FKBP3: variants seen among roughly 807,000 people sequenced by gnomAD.
FKBP3 encodes the protein peptidyl-prolyl cis-trans isomerase FKBP3.
A neutral mutation model predicts 30.6 loss-of-function variants in FKBP3; 21 were observed. The ratio of observed to expected loss-of-function variants is 0.69; its 90% CI spans 0.49 to 0.99. The LOEUF is 0.99. Ranked by LOEUF, FKBP3 falls within the 50% of genes least tolerant of loss-of-function variation. The pLI, the probability that FKBP3 is intolerant of heterozygous loss-of-function variation, is 0.00. For synonymous variants in FKBP3, 82 were observed against 91.3 expected, an observed-to-expected ratio of 0.90 and a Z score of 0.58; for missense variants, 283 against 261.6, an observed-to-expected ratio of 1.08 and a Z score of -0.56.
intron 3 of FKBP3, among the ~76,000 whole-genome samples, chr14:45,124,444 A>C (rs562287721): frequency 6.6e-6 from 1 of 152,268 alleles, no homozygotes; most frequent in Non-Finnish European, 1.5e-5. Flanking sequence ...AAGCAGGAGA[A>C]TCACTTGAAT....
chr14:45,118,683 A>G (rs1884912877), intron 5 of FKBP3, among the ~76,000 whole-genome samples: 1 of 152,102 alleles, frequency 6.6e-6, no homozygotes, highest in Non-Finnish European at 1.5e-5. Flanking sequence ...GTAACATGCC[A>G]TACATTATGA....
intron 3 of FKBP3, 94 bp from the exon 4 acceptor site, chr14:45,121,714 T>G: frequency 1.7e-5 from 24 of 1,406,838 alleles, no homozygotes; most frequent in Non-Finnish European, 2.2e-5. Context: ...AAAGTCAGTT[T>G]AAAGAGTTTG....
chr14:45,132,081 A>G (rs1203091692), intron 1 of FKBP3, among the ~76,000 whole-genome samples: 1 of 152,160 alleles, frequency 6.6e-6, no homozygotes, highest in Non-Finnish European at 1.5e-5. Context: ...TTACATTCTC[A>G]AAGTTGTCCT....
chr14:45,129,676 C>T (rs1297256152), intron 3 of FKBP3, 118 bp downstream of exon 3: 1 of 574,354 alleles, frequency 1.7e-6, no homozygotes, highest in Non-Finnish European at 3.0e-6. Flanking sequence ...GTGTTTGGCT[C>T]ATTGAAAGTG....
intron 3 of FKBP3, among the ~76,000 whole-genome samples, chr14:45,127,113 G>A (rs1813523715): frequency 9.1e-6 from 1 of 110,138 alleles, no homozygotes; most frequent in African/African-American, 5.1e-5. Context: ...GACTGACCCT[G>A]TCTTTTTTTT....
intron 6 of FKBP3, among the ~76,000 whole-genome samples, chr14:45,117,218 C>G (rs1382080723): frequency 6.6e-6 from 1 of 152,196 alleles, no homozygotes; most frequent in Admixed American, 6.5e-5. Flanking sequence ...GTGATCTGCC[C>G]TCCTTGGCCT....
intron 1 of FKBP3, among the ~76,000 whole-genome samples, chr14:45,132,694 G>C (rs1019409822): frequency 3.5e-4 from 53 of 151,870 alleles, no homozygotes; most frequent in African/African-American, 1.0e-3. Context: ...TTTGGCCTCC[G>C]AAAGTGCTAG....
chr14:45,121,604 G>T lies in FKBP3; in HGVS notation c.335C>A (p.Thr112Asn). ...ATCTCCCTTTTTCAGAACAGATTTA[G>T]TATATTTTGGTGGACCCTAAAAACA... The part of the protein sequence containing the change: ...ETLDEGPPKY[T>N]KSVLKKGDKT... The change falls in exon 4 of 7, where the codon ACT (threonine) becomes AAT (asparagine). Residue 112 changes from threonine to asparagine, a missense_variant. Physicochemically the swap from Thr to Asn is moderately conservative, Grantham distance 65 (BLOSUM62 0). Coordinates refer to ENST00000396062, the MANE Select transcript of FKBP3 (RefSeq NM_002013.4). 6.2e-7 allele frequency: 1 copy of T among 1,613,266 alleles called. No homozygotes were observed. Among genetic ancestry groups the T allele is most frequent in the South Asian group, 1.1e-5 (1 of 91,026 alleles).
rs1435169280 is a variant in FKBP3 at position 45,121,560 on chromosome 14, T to C, written c.379A>G (p.Lys127Glu). 6.2e-7 allele frequency: 1 copy of C among 1,613,698 alleles called. No individual in the cohort carries two copies. The highest frequency in any genetic ancestry group is 1.3e-5 in the African/African-American group (1 of 74,924). Residue 127 changes from lysine to glutamate, a missense_variant, in exon 4 of 7, where the codon AAG becomes GAG. Coordinates refer to ENST00000396062, the MANE Select transcript of FKBP3 (RefSeq NM_002013.4). ...KKGDKTNFPK[K>E]GDVVHCWYTG... ...TACCAGCAGTGAACAACATCTCCCTTTTTGGGAAAGTTGGTTTTATCTCCC... is the reference window on the plus strand; with the variant it reads ...TACCAGCAGTGAACAACATCTCCCTCTTTGGGAAAGTTGGTTTTATCTCCC...
intron 1 of FKBP3, among the ~76,000 whole-genome samples, chr14:45,133,604 G>A (rs1258231361): frequency 1.3e-5 from 2 of 152,184 alleles, no homozygotes; most frequent in East Asian, 1.9e-4. Context: ...AATTTAACAG[G>A]TGCATGAATG....
intron 1 of FKBP3, 117 bp downstream of exon 1, chr14:45,134,232 A>G: frequency 2.3e-6 from 2 of 879,810 alleles, no homozygotes; most frequent in Non-Finnish European, 3.6e-6. Context: ...CTTCCAGGCC[A>G]CCGGCCGCGG....
At chr14:45,120,777 C>T in intron 5 of FKBP3, 110 bp downstream of exon 5, 2 of 861,512 alleles carry the variant, frequency 2.3e-6, no homozygotes, top group South Asian at 3.0e-5. Flanking sequence ...CTGTCAGACT[C>T]CAAAGTCTGT....
In FKBP3 at chr14:45,127,720, C is replaced by A. The variant is rs949377210; in HGVS notation, c.318+2074G>T. Among the ~76,000 whole-genome samples, 4 of 152,080 alleles carry A rather than the reference C, an allele frequency of 2.6e-5. No homozygotes were observed. In the South Asian group the frequency reaches 8.3e-4, roughly 32 times the overall value. On this transcript the variant is annotated intron_variant, in intron 3 of 6. Coordinates refer to ENST00000396062, the MANE Select transcript of FKBP3 (RefSeq NM_002013.4). ...CAACACTCAATTACTGAAGATTTTT[C>A]AGCAGGGTGTGGTTTGCAAAGTATT...
At chr14:45,122,598 G>A (rs1885009105) in intron 3 of FKBP3, among the ~76,000 whole-genome samples, 1 of 151,898 alleles carries the variant, frequency 6.6e-6, no homozygotes, top group South Asian at 2.1e-4. Context: ...CTGCCTCCTG[G>A]GTTCAAGTGA....
intron 5 of FKBP3, among the ~76,000 whole-genome samples, chr14:45,120,469 A>G (rs1412711282): frequency 6.6e-6 from 1 of 152,214 alleles, no homozygotes; most frequent in Non-Finnish European, 1.5e-5. Flanking sequence ...AGTGGGACAG[A>G]TATTTTACCT....
chr14:45,130,114 C>T (rs1442346038), intron 2 of FKBP3, among the ~76,000 whole-genome samples: 1 of 152,160 alleles, frequency 6.6e-6, no homozygotes, highest in Non-Finnish European at 1.5e-5. Flanking sequence ...CTCAAACCAG[C>T]TTACAATATA....
At chr14:45,119,835 G>C (rs1252395101) in intron 5 of FKBP3, among the ~76,000 whole-genome samples, 4 of 151,776 alleles carry the variant, frequency 2.6e-5, no homozygotes, top group Non-Finnish European at 5.9e-5. Context: ...CTACAGGCAA[G>C]TGCCACCATG....
In FKBP3 at chr14:45,134,439, T is replaced by G. The variant is rs536915344; in HGVS notation, c.18A>C (p.Pro6=). 9 of 1,610,420 alleles carry G rather than the reference T, an allele frequency of 5.6e-6. 1 individual carries two copies. In the South Asian group the frequency reaches 9.9e-5, roughly 18 times the overall value. Reference sequence around the variant, plus strand: ...GCTGCTCCACGGTCCACGCCCGCTGTGGAACGGCCGCCGCCATCTTCCCCC... The same window carrying G: ...GCTGCTCCACGGTCCACGCCCGCTGGGGAACGGCCGCCGCCATCTTCCCCC... MAAAV[P]QRAWTVEQLR... Residue 6 remains proline (P), a synonymous_variant, in exon 1 of 7, where the codon CCA becomes CCC. Coordinates refer to ENST00000396062, the MANE Select transcript of FKBP3 (RefSeq NM_002013.4).
At chr14:45,118,390 GAGGCCGAGGT>G (rs1884904374) in intron 5 of FKBP3, among the ~76,000 whole-genome samples, 1 of 152,084 alleles carries the variant, frequency 6.6e-6, no homozygotes, top group Non-Finnish European at 1.5e-5. Flanking sequence ...AGCACTTTGG[GAGGCCGAGGT>G]GGGCAGATCA....
Sources: gnomAD v4.1 joint callset for allele counts (sites outside exome capture counted in the v4.1 genomes callset) on GRCh38, gnomAD v4.1.1 for gene constraint, MANE v1.5 for transcripts, NCBI Gene and HGNC (gene_info 2026-07-23, HGNC 2026-07-21) for gene names.